PTPRT: variants seen among roughly 807,000 people sequenced by gnomAD.
PTPRT encodes protein tyrosine phosphatase receptor type T.
A neutral mutation model predicts 176.8 loss-of-function variants in PTPRT; 56 were observed. The observed-to-expected ratio is 0.32, with a 90% CI of 0.26 to 0.40. The LOEUF (loss-of-function observed/expected upper bound fraction) is 0.40. Among genes scored for constraint, PTPRT ranks in the 10% least tolerant of loss-of-function variants. The pLI, the probability that PTPRT is intolerant of heterozygous loss-of-function variation, is 1.00. For synonymous variants in PTPRT, 783 were observed against 739.0 expected (o/e 1.06, Z -0.96); for missense variants, 1,540 against 1,908.2 (o/e 0.81, Z 3.60).
chr20:43,060,786 G>A (rs574385382), intron 1 of PTPRT, among the ~76,000 whole-genome samples: 9 of 152,228 alleles, frequency 5.9e-5, no homozygotes, highest in Admixed American at 3.3e-4. Context: ...TTCATATGAC[G>A]TTCTACAATC....
At chr20:43,014,727 G>C (rs988455290) in intron 1 of PTPRT, among the ~76,000 whole-genome samples, 31 of 152,196 alleles carry the variant, frequency 2.0e-4, no homozygotes, top group African/African-American at 7.5e-4. Flanking sequence ...TAATCGAGCA[G>C]TGTTTGTGCA....
rs142075651 is a variant in PTPRT at position 42,942,414 on chromosome 20, T to C, written c.89-56482A>G. Among the ~76,000 whole-genome samples the C allele has an allele frequency of 6.8e-3, 1,039 of 152,320 alleles. 10 individuals carry two copies. The highest frequency in any genetic ancestry group is 0.023 in the African/African-American group (971 of 41,556). On this transcript the variant is annotated intron_variant, in intron 1 of 30. Coordinates refer to ENST00000373187, the MANE Select transcript of PTPRT (RefSeq NM_007050.6). Reference sequence around the variant, plus strand: ...ACTGGGCTTAAATTTCTTTTCCCTATGGAAGCCTTCCCCATCCAAAAACAG... The same window carrying C: ...ACTGGGCTTAAATTTCTTTTCCCTACGGAAGCCTTCCCCATCCAAAAACAG...
chr20:43,028,129 T>C (rs1381933222), intron 1 of PTPRT, among the ~76,000 whole-genome samples: 7 of 152,218 alleles, frequency 4.6e-5, no homozygotes, highest in Admixed American at 4.6e-4. Flanking sequence ...TAAATTATCA[T>C]ACTTGTTCTT....
At chr20:42,647,434 G>A (rs896041986) in intron 7 of PTPRT, among the ~76,000 whole-genome samples, 5 of 152,100 alleles carry the variant, frequency 3.3e-5, no homozygotes, top group African/African-American at 9.7e-5. Flanking sequence ...CCCGTCAACA[G>A]CCCAGAGCTC....
intron 1 of PTPRT, among the ~76,000 whole-genome samples, chr20:42,935,101 C>T (rs1980098026): frequency 6.8e-6 from 1 of 146,108 alleles, no homozygotes; most frequent in Non-Finnish European, 1.5e-5. Context: ...AAGCCACAAC[C>T]TTTTGCAACC....
chr20:42,888,332 A>G (rs2079135786), intron 1 of PTPRT, among the ~76,000 whole-genome samples: 1 of 150,792 alleles, frequency 6.6e-6, no homozygotes, highest in African/African-American at 2.5e-5. Flanking sequence ...AGTGTGTCAT[A>G]CCTCAACACA....
intron 1 of PTPRT, among the ~76,000 whole-genome samples, chr20:42,890,187 T>C (rs377554663): frequency 5.9e-5 from 9 of 152,328 alleles, no homozygotes; most frequent in East Asian, 5.8e-4. Context: ...TAAAAGCTCA[T>C]TGGGGCCCAA....
At chr20:43,114,771 A>T (rs1293825823) in intron 1 of PTPRT, among the ~76,000 whole-genome samples, 1 of 152,214 alleles carries the variant, frequency 6.6e-6, no homozygotes, top group Admixed American at 6.5e-5. Flanking sequence ...TTATTTATTA[A>T]ATGTCATTAT....
At chr20:42,404,855 A>G (rs534103504) in intron 9 of PTPRT, among the ~76,000 whole-genome samples, 39 of 151,858 alleles carry the variant, frequency 2.6e-4, no homozygotes, top group African/African-American at 8.9e-4. Flanking sequence ...GATATAAAAC[A>G]AAATTGGATA....
At chr20:42,469,855 A>C (rs2071164014) in intron 8 of PTPRT, among the ~76,000 whole-genome samples, 1 of 152,122 alleles carries the variant, frequency 6.6e-6, no homozygotes, top group South Asian at 2.1e-4. Flanking sequence ...AATTAGGGGC[A>C]GGGTGAGAAG....
At chr20:42,521,366 T>C (rs959296799) in intron 7 of PTPRT, among the ~76,000 whole-genome samples, 4 of 152,182 alleles carry the variant, frequency 2.6e-5, no homozygotes, top group African/African-American at 9.7e-5. Flanking sequence ...AAATAGAAAT[T>C]AGAATGTCAT....
At chr20:42,275,725 C>A (rs1430217906) in intron 13 of PTPRT, among the ~76,000 whole-genome samples, 2 of 152,162 alleles carry the variant, frequency 1.3e-5, no homozygotes, top group Admixed American at 6.5e-5. Flanking sequence ...TGATATAGTT[C>A]TCTTCCTCCA....
chr20:42,061,275 TAA>T, the PTPRT span, among the ~76,000 whole-genome samples: 9 of 152,214 alleles, frequency 5.9e-5, no homozygotes, highest in Admixed American at 5.2e-4. Context: ...CAGAGTTTCT[TAA>T]AAGTCTGAGA....
intron 7 of PTPRT, among the ~76,000 whole-genome samples, chr20:42,561,655 G>C (rs1233287110): frequency 6.6e-6 from 1 of 152,162 alleles, no homozygotes; most frequent in Non-Finnish European, 1.5e-5. Flanking sequence ...TTAGAATGCT[G>C]ATCTCCACAC....
At chr20:42,083,228 C>T (rs978405117) in intron 29 of PTPRT, among the ~76,000 whole-genome samples, 4 of 150,818 alleles carry the variant, frequency 2.7e-5, no homozygotes, top group African/African-American at 7.3e-5. Flanking sequence ...AGAATAACAG[C>T]GTCCAAAAGG....
At chr20:42,843,383 C>T (rs1161550500) in intron 2 of PTPRT, among the ~76,000 whole-genome samples, 1 of 152,194 alleles carries the variant, frequency 6.6e-6, no homozygotes, top group East Asian at 1.9e-4. Context: ...TGACTGCTCC[C>T]ACCACGGCCT....
intron 6 of PTPRT, among the ~76,000 whole-genome samples, chr20:42,701,340 G>T (rs982687726): frequency 6.6e-6 from 1 of 152,192 alleles, no homozygotes; most frequent in Non-Finnish European, 1.5e-5. Context: ...GTAGGCATTA[G>T]TAACCCACAC....
chr20:42,319,594 T>A (rs981256460), intron 11 of PTPRT, among the ~76,000 whole-genome samples: 6 of 152,220 alleles, frequency 3.9e-5, no homozygotes, highest in Admixed American at 3.9e-4. Flanking sequence ...TGTTTGCCAG[T>A]GGATTCAGCC....
chr20:42,071,382 C>CT (rs1159180622), downstream of PTPRT, among the ~76,000 whole-genome samples: 1 of 152,166 alleles, frequency 6.6e-6, no homozygotes, highest in African/African-American at 2.4e-5. Flanking sequence ...GTCCCAGTTC[C>CT]TTTTGGGCTC....
Sources: gnomAD v4.1 joint callset for allele counts (sites outside exome capture counted in the v4.1 genomes callset) on GRCh38, gnomAD v4.1.1 for gene constraint, MANE v1.5 for transcripts, NCBI Gene and HGNC (gene_info 2026-07-23, HGNC 2026-07-21) for gene names.